COL5A1: variants seen among roughly 807,000 people sequenced by gnomAD.
COL5A1 encodes collagen type V alpha 1 chain, also known as collagen alpha-1(V) chain.
A neutral mutation model predicts 263.7 loss-of-function variants in COL5A1; 16 were observed. The observed-to-expected ratio is 0.06, with a 90% CI of 0.04 to 0.09. The LOEUF (loss-of-function observed/expected upper bound fraction) is 0.09. Among genes scored for constraint, COL5A1 ranks in the 10% least tolerant of loss-of-function variants. COL5A1 has a pLI of 1.00. For synonymous variants in COL5A1, 1,012 were observed against 1,004.5 expected (o/e 1.01, Z -0.14); for missense variants, 2,036 against 2,540.5 (o/e 0.80, Z 4.27).
intron 65 of COL5A1, among the ~76,000 whole-genome samples, chr9:134,839,739 G>A (rs942794622): frequency 6.6e-6 from 1 of 152,204 alleles, no homozygotes; most frequent in Non-Finnish European, 1.5e-5. Context: ...TGGGGAGGGT[G>A]AGGAGGTTGG....
chr9:134,703,868 T>C (rs1003001858), intron 4 of COL5A1, among the ~76,000 whole-genome samples: 10 of 151,994 alleles, frequency 6.6e-5, no homozygotes, highest in African/African-American at 2.4e-4. Context: ...CTCGATCTCC[T>C]GACCTTGTGA....
At position 134,765,757 on chromosome 9, in the gene COL5A1, T is replaced by G; in HGVS notation, c.2088+23T>G. On this transcript the variant is annotated intron_variant, in intron 21 of 65. Coordinates refer to ENST00000371817, the MANE Select transcript of COL5A1 (RefSeq NM_000093.5). The surrounding 1 kb of genome is among the most constrained non-coding windows in gnomAD (Gnocchi z 5.1). ...CCCGTAAGTCCCATTACCGCCCTGCTTGTCTGCCCCCATCTCGGCCTTTGA... is the reference window on the plus strand; with the variant it reads ...CCCGTAAGTCCCATTACCGCCCTGCGTGTCTGCCCCCATCTCGGCCTTTGA... The G allele has an allele frequency of 6.2e-7, 1 of 1,607,452 alleles. No individual in the cohort carries two copies. The highest frequency in any genetic ancestry group is 8.5e-7 in the Non-Finnish European group (1 of 1,175,550).
At chr9:134,666,699 A>G (rs545805154) in intron 1 of COL5A1, among the ~76,000 whole-genome samples, 1 of 152,168 alleles carries the variant, frequency 6.6e-6, no homozygotes, top group African/African-American at 2.4e-5. Flanking sequence ...TGCCTGGAGG[A>G]TGGAGTGTGG....
In COL5A1 at chr9:134,647,378, CGTGTGT is replaced by C. The variant is rs141774800; in HGVS notation, c.109+5095_109+5100del. On this transcript the variant is annotated intron_variant, in intron 1 of 65. Transcript: ENST00000371817. The surrounding 1 kb of genome is among the most constrained non-coding windows in gnomAD (Gnocchi z 5.0). ...TTTGTGTGTATGTGTGTCATGTGTG[CGTGTGT>C]GTGTGTGTGTGTCAGGCCGTGTGCA... Among the ~76,000 whole-genome samples, 1 of 150,432 alleles carries C rather than the reference CGTGTGT, an allele frequency of 6.6e-6. No individual in the cohort carries two copies. Among genetic ancestry groups the C allele is most frequent in the Non-Finnish European group, 1.5e-5 (1 of 67,406 alleles).
intron 11 of COL5A1, among the ~76,000 whole-genome samples, chr9:134,740,856 A>C (rs928926928): frequency 1.3e-5 from 2 of 152,190 alleles, no homozygotes; most frequent in African/African-American, 4.8e-5. Flanking sequence ...GGTCCTCCTC[A>C]AACTCACATC....
intron 18 of COL5A1, among the ~76,000 whole-genome samples, chr9:134,761,158 G>A (rs530603025): frequency 2.4e-4 from 31 of 129,828 alleles, no homozygotes; most frequent in South Asian, 7.7e-4. Context: ...CCACGCACAC[G>A]CATACACACC....
chr9:134,681,068 T>G lies in COL5A1; in HGVS notation c.110-9844T>G, dbSNP rs1488234285. 3.3e-5 allele frequency among the ~76,000 whole-genome samples: 5 copies of G among 152,010 alleles called. No individual in the cohort carries two copies. The highest frequency in any genetic ancestry group is 7.4e-5 in the Non-Finnish European group (5 of 67,984). ...CCCTTTGCTTTGCTCCCTGGTTTAG[T>G]CATTGAGGAAGAATTTCAGTCGCAG... On this transcript the variant is annotated intron_variant, in intron 1 of 65. Transcript: ENST00000371817. The surrounding 1 kb of genome is among the most constrained non-coding windows in gnomAD (Gnocchi z 4.3).
intron 1 of COL5A1, among the ~76,000 whole-genome samples, chr9:134,669,598 CT>C (rs1832479628): frequency 6.6e-6 from 1 of 152,056 alleles, no homozygotes; most frequent in African/African-American, 2.4e-5. Context: ...GATTCTCAAG[CT>C]GTTTTGTTGG....
intron 9 of COL5A1, among the ~76,000 whole-genome samples, chr9:134,734,956 A>G (rs1835044782): frequency 1.3e-5 from 2 of 152,076 alleles, no homozygotes; most frequent in Admixed American, 1.3e-4. Context: ...CACACCTGTA[A>G]TCCCAGCACT....
rs1830183873 is a variant in COL5A1 at position 134,844,254 on chromosome 9, G to C, written c.*1951G>C. ...TTGCCAAAGAAAAGTCTGGCTTGGA[G>C]AGTCTCTGGAGCCCAGGATGCCAGC... On this transcript the variant is annotated 3_prime_UTR_variant, in exon 66 of 66. Transcript: ENST00000371817. 1 of 152,652 alleles carries C rather than the reference G, an allele frequency of 6.6e-6. No homozygotes were observed. The highest frequency in any genetic ancestry group is 2.1e-4 in the South Asian group (1 of 4,826). 9.5% of individuals were successfully genotyped at this position (152,652 alleles called of 1,614,324 possible).
intron 11 of COL5A1, among the ~76,000 whole-genome samples, chr9:134,745,327 T>C (rs924966614): frequency 6.6e-6 from 1 of 152,258 alleles, no homozygotes; most frequent in Admixed American, 6.5e-5. Flanking sequence ...AAGGGACAGC[T>C]GGCAGGAGCT....
chr9:134,696,269 G>A lies in COL5A1; in HGVS notation c.278-3640G>A, dbSNP rs1588445461. On this transcript the variant is annotated intron_variant, in intron 2 of 65. Coordinates refer to ENST00000371817, the MANE Select transcript of COL5A1 (RefSeq NM_000093.5). This position sits in a 1 kb window ranked among gnomAD's most constrained non-coding sequence, Gnocchi z 4.3. ...GCTCACGGCAACCTCTGCCTCCCAGGTTCAAGCGATTCTCCTGCCTCAGCC... is the reference window on the plus strand; with the variant it reads ...GCTCACGGCAACCTCTGCCTCCCAGATTCAAGCGATTCTCCTGCCTCAGCC... Among the ~76,000 whole-genome samples, 4 of 152,136 alleles carry A rather than the reference G, an allele frequency of 2.6e-5. No individual in the cohort carries two copies. The highest frequency in any genetic ancestry group is 4.8e-5 in the African/African-American group (2 of 41,434).
rs572484876 is a variant in COL5A1, at chr9:134,840,017, C to T, written c.5371-2140C>T. Among the ~76,000 whole-genome samples the T allele has an allele frequency of 1.6e-3, 248 of 152,392 alleles. 1 individual carries two copies. The highest frequency in any genetic ancestry group is 6.8e-3 in the Middle Eastern group (2 of 294). ...GGAACTGTGTGTTTTGCTGTCAAGT[C>T]CGGGGGTGCCCCATGGCGAGGTCCT... On this transcript the variant is annotated intron_variant, in intron 65 of 65. Coordinates refer to ENST00000371817, the MANE Select transcript of COL5A1 (RefSeq NM_000093.5).
At chr9:134,831,886 T>C (rs990080679) in intron 64 of COL5A1, among the ~76,000 whole-genome samples, 6 of 152,176 alleles carry the variant, frequency 3.9e-5, no homozygotes, top group African/African-American at 1.4e-4. Flanking sequence ...CACATCAGCT[T>C]ACTTTAGGAT....
Position 134,818,118 on chromosome 9 carries a change from G to A in COL5A1, c.4230+287G>A, listed in dbSNP as rs542064627. The stretch of plus-strand genomic sequence containing the variant: ...CCAAGGCTGAGTAGTTATGTCCCCC[G>A]GAGCCCTGCGACCTCATGCCTGGTC... On this transcript the variant is annotated intron_variant, in intron 54 of 65. Transcript: ENST00000371817. This position sits in a 1 kb window ranked among gnomAD's most constrained non-coding sequence, Gnocchi z 6.0. Among the ~76,000 whole-genome samples the A allele has an allele frequency of 7.9e-4, 121 of 152,304 alleles. No individual in the cohort carries two copies. Among genetic ancestry groups the A allele is most frequent in the African/African-American group, 2.9e-3 (119 of 41,580 alleles).
intron 1 of COL5A1, among the ~76,000 whole-genome samples, chr9:134,657,874 A>T (rs544940419): frequency 6.6e-6 from 1 of 151,966 alleles, no homozygotes; most frequent in East Asian, 1.9e-4. Context: ...CGTTTGGCAG[A>T]TGAATAAGCT....
intron 1 of COL5A1, among the ~76,000 whole-genome samples, chr9:134,665,321 C>T (rs535805543): frequency 1.6e-4 from 24 of 152,294 alleles, no homozygotes; most frequent in African/African-American, 5.5e-4. Flanking sequence ...TCTGGAAGGG[C>T]GAGAGCCGTT....
intron 1 of COL5A1, among the ~76,000 whole-genome samples, chr9:134,672,506 T>A (rs1410886198): frequency 6.6e-6 from 1 of 152,236 alleles, no homozygotes; most frequent in East Asian, 1.9e-4. Context: ...TAAAACATGA[T>A]GAGCAAATCT....
intron 4 of COL5A1, among the ~76,000 whole-genome samples, chr9:134,705,170 T>A (rs900494359): frequency 3.3e-5 from 5 of 152,198 alleles, no homozygotes; most frequent in African/African-American, 7.2e-5. Context: ...TCCTGGGGTG[T>A]CTGTGGCCCC....
Sources: gnomAD v4.1 joint callset for allele counts (sites outside exome capture counted in the v4.1 genomes callset) on GRCh38, gnomAD v4.1.1 for gene constraint, Gnocchi (gnomAD v3.1) non-coding constraint, MANE v1.5 for transcripts, NCBI Gene and HGNC (gene_info 2026-07-23, HGNC 2026-07-21) for gene names.